Variants in CAMK1G observed in about 807,000 individuals in gnomAD.
CAMK1G encodes calcium/calmodulin dependent protein kinase IG.
CAMK1G carries 27 observed loss-of-function variants against 54.8 expected under a neutral mutation model. The ratio of observed to expected loss-of-function variants is 0.49; its 90% CI spans 0.36 to 0.68. CAMK1G has a LOEUF of 0.68. Among genes scored for constraint, CAMK1G ranks in the 30% least tolerant of loss-of-function variants. The pLI is 0.00. For missense variants in CAMK1G, 512 were observed against 591.0 expected, an observed-to-expected ratio of 0.87 and a Z score of 1.39; for synonymous variants, 238 against 224.9, an observed-to-expected ratio of 1.06 and a Z score of -0.52.
chr1:209,606,220 G>C, intron 5 of CAMK1G, 100 bp from the exon 6 acceptor site: 2 of 1,477,854 alleles, frequency 1.4e-6, no homozygotes, highest in African/African-American at 1.4e-5. Context: ...TTGAAGTCAG[G>C]AGCCCAGGGC....
intron 1 of CAMK1G, among the ~76,000 whole-genome samples, chr1:209,594,362 T>C (rs78691135): frequency 1.4e-3 from 214 of 152,340 alleles, no homozygotes; most frequent in African/African-American, 5.0e-3. Context: ...ACATATTGGT[T>C]AACTGTTGAA....
chr1:209,601,101 A>C (rs1157208590), intron 3 of CAMK1G, among the ~76,000 whole-genome samples: 1 of 152,196 alleles, frequency 6.6e-6, no homozygotes, highest in Admixed American at 6.5e-5. Flanking sequence ...TTAAGTGAGG[A>C]GTCACATTGT....
At chr1:209,598,253 GTTC>G (rs1571778041) in intron 2 of CAMK1G, among the ~76,000 whole-genome samples, 1 of 152,286 alleles carries the variant, frequency 6.6e-6, no homozygotes, top group East Asian at 1.9e-4. Flanking sequence ...AGACTGCTAG[GTTC>G]TCTCTTTTGT....
intron 8 of CAMK1G, among the ~76,000 whole-genome samples, chr1:209,609,495 G>A (rs956471323): frequency 6.6e-6 from 1 of 152,196 alleles, no homozygotes; most frequent in Non-Finnish European, 1.5e-5. Flanking sequence ...CCTGTTAAGT[G>A]GAAATCAGAG....
chr1:209,589,732 A>G (rs143476924), intron 1 of CAMK1G, among the ~76,000 whole-genome samples: 1 of 152,100 alleles, frequency 6.6e-6, no homozygotes, highest in Non-Finnish European at 1.5e-5. Flanking sequence ...CTCCTTATTT[A>G]TATATCTGTG....
At chr1:209,600,150 CACA>C (rs777191237) in intron 3 of CAMK1G, 39 bp downstream of exon 3, 6 of 1,598,018 alleles carry the variant, frequency 3.8e-6, no homozygotes, top group Non-Finnish European at 5.1e-6. Context: ...ACTATGGGAT[CACA>C]ACATTTTCTT....
Position 209,603,352 on chromosome 1 carries a change from G to A in CAMK1G, c.296+64G>A, listed in dbSNP as rs1406869539. ...GTGGGGCCTGGGAGGCCTACAGGAG[G>A]TTGGTCGCTGGTGAGGGATGGACAG... On this transcript the variant is annotated intron_variant, in intron 4 of 12. Coordinates refer to ENST00000361322, the MANE Select transcript of CAMK1G (RefSeq NM_020439.3). The A allele has an allele frequency of 3.7e-6, 5 of 1,337,996 alleles. No homozygotes were observed. The African/African-American group carries it at 7.3e-5, about 19-fold the overall frequency. The allele number at this position is 1,337,996 out of a possible 1,614,324, so 82.9% of individuals were successfully genotyped here.
At chr1:209,602,709 T>C (rs1665559398) in intron 3 of CAMK1G, among the ~76,000 whole-genome samples, 1 of 152,232 alleles carries the variant, frequency 6.6e-6, no homozygotes, top group Admixed American at 6.5e-5. Flanking sequence ...ACATGAGACA[T>C]AAATGAACTT....
Position 209,613,048 on chromosome 1 carries a change from T to C in CAMK1G, c.*46T>C. On this transcript the variant is annotated 3_prime_UTR_variant, in exon 13 of 13. Coordinates refer to ENST00000361322, the MANE Select transcript of CAMK1G (RefSeq NM_020439.3). ...GCCCCTTTCTCTTGCAGGAGACATA[T>C]TCAACTCCTCTGCTCTTCCAAACCT... 1.7e-6 allele frequency: 1 copy of C among 574,726 alleles called. No homozygotes were observed. The highest frequency in any genetic ancestry group is 2.0e-5 in the South Asian group (1 of 50,548). The allele number at this position is 574,726 out of a possible 1,614,324, so 35.6% of individuals were successfully genotyped here.
At chr1:209,596,316 G>T (rs1353034412) in intron 2 of CAMK1G, among the ~76,000 whole-genome samples, 2 of 152,186 alleles carry the variant, frequency 1.3e-5, no homozygotes, top group African/African-American at 4.8e-5. Flanking sequence ...CAAGCCTCAT[G>T]AGTAAGTCAG....
chr1:209,592,740 T>G (rs924474268), intron 1 of CAMK1G, among the ~76,000 whole-genome samples: 3 of 152,222 alleles, frequency 2.0e-5, no homozygotes, highest in South Asian at 2.1e-4. Context: ...CAGGATCTAC[T>G]TGGACCAAAA....
intron 8 of CAMK1G, among the ~76,000 whole-genome samples, chr1:209,609,635 G>A (rs903782515): frequency 1.3e-5 from 2 of 152,228 alleles, no homozygotes; most frequent in Non-Finnish European, 2.9e-5. Flanking sequence ...GCAGTGCTGT[G>A]TGGGTGAGGC....
At chr1:209,609,692 G>A (rs1665735839) in intron 8 of CAMK1G, 159 bp from the exon 9 acceptor site, 1 of 197,290 alleles carries the variant, frequency 5.1e-6, no homozygotes, top group African/African-American at 2.4e-5. Context: ...GTTGTTGTTA[G>A]GTGGTTTGGA....
At chr1:209,611,719 G>A (rs1205929953) in intron 10 of CAMK1G, 73 bp from the exon 11 acceptor site, 3 of 1,559,614 alleles carry the variant, frequency 1.9e-6, no homozygotes, top group Non-Finnish European at 2.6e-6. Context: ...AGGCCACAAG[G>A]CAAAGGGAAA....
At chr1:209,593,767 C>G (rs75479140) in intron 1 of CAMK1G, among the ~76,000 whole-genome samples, 2,703 of 152,328 alleles carry the variant, frequency 0.018, 110 homozygotes, top group African/African-American at 0.062. Context: ...CATCTCTCTC[C>G]CTTCACAGAT....
chr1:209,593,732 C>G (rs539866550), intron 1 of CAMK1G, among the ~76,000 whole-genome samples: 9 of 152,288 alleles, frequency 5.9e-5, no homozygotes, highest in African/African-American at 2.2e-4. Flanking sequence ...CCATCTGGCC[C>G]GAGCCACCAT....
intron 4 of CAMK1G, 35 bp downstream of exon 4, chr1:209,603,323 C>A (rs746257576): frequency 2.6e-6 from 4 of 1,564,936 alleles, no homozygotes; most frequent in East Asian, 4.5e-5. Flanking sequence ...TTCACAGAGG[C>A]CTGGTGGGGC....
rs778951925 is a variant in CAMK1G at position 209,595,086 on chromosome 1, G to A, written c.92+11G>A. 6.2e-7 allele frequency: 1 copy of A among 1,608,190 alleles called. No individual in the cohort carries two copies. Among genetic ancestry groups the A allele is most frequent in the South Asian group, 1.1e-5 (1 of 90,878 alleles). On this transcript the variant is annotated intron_variant, in intron 2 of 12. Transcript: ENST00000361322. Reference sequence around the variant, plus strand: ...GGAAGTGCTGGGATCGTAAGTCCTGGGGCTGTGAGGTCGGGTGGGCTGGGC... The same window carrying A: ...GGAAGTGCTGGGATCGTAAGTCCTGAGGCTGTGAGGTCGGGTGGGCTGGGC...
chr1:209,607,114 G>T (rs1040793283), intron 6 of CAMK1G, among the ~76,000 whole-genome samples: 1 of 152,186 alleles, frequency 6.6e-6, no homozygotes, highest in African/African-American at 2.4e-5. Flanking sequence ...CCTGTTTGCA[G>T]TTGGGTAATG....
Sources: allele counts gnomAD v4.1 joint callset (sites outside exome capture counted in the v4.1 genomes callset), GRCh38; gene constraint gnomAD v4.1.1; transcripts MANE v1.5; gene names NCBI Gene and HGNC (gene_info 2026-07-23, HGNC 2026-07-21).